SACS: variants seen among roughly 807,000 people sequenced by gnomAD.
SACS encodes the protein sacsin molecular chaperone.
Under a neutral mutation model 348.0 loss-of-function variants are expected in SACS, and 197 were observed. That is an observed-to-expected ratio of 0.57 (90% CI 0.50 to 0.64). The LOEUF (loss-of-function observed/expected upper bound fraction) is 0.64, where lower values mean the gene tolerates loss of function less well. SACS is among the 30% of genes least tolerant of loss of function. SACS has a pLI of 0.00. For missense variants in SACS, 4,999 were observed against 5,360.8 expected (o/e 0.93, Z 2.11); for synonymous variants, 1,985 against 1,910.6 (o/e 1.04, Z -1.02).
chr13:23,398,862 C>A (rs1048120768), intron 2 of SACS, among the ~76,000 whole-genome samples: 7 of 151,288 alleles, frequency 4.6e-5, no homozygotes, highest in Admixed American at 4.6e-4. Flanking sequence ...GGTGAAACCC[C>A]ATCTCTACTA....
At chr13:23,365,308 TTAA>T in intron 5 of SACS, 31 bp from the exon 6 acceptor site, 5 of 1,218,194 alleles carry the variant, frequency 4.1e-6, no homozygotes, top group Non-Finnish European at 4.7e-6. Context: ...AAAATAGTAA[TTAA>T]TAACACAGTA....
rs777875035 is a variant in SACS, at chr13:23,335,914, A to C, written c.7962T>G (p.Tyr2654Ter). The change falls in exon 10 of 10, where the codon TAT (tyrosine) becomes TAG (stop). Residue 2654 changes from tyrosine to a stop codon, truncating the protein, a stop_gained. Transcript: ENST00000382292. LOFTEE classifies it high-confidence loss of function. This position sits in a 1 kb window ranked among gnomAD's most constrained non-coding sequence, Gnocchi z 4.7. Reference protein sequence around the residue: ...ILCIFDPHARYAPGATSISPG... With the variant: ...ILCIFDPHAR ...GACTAATGGATGTGGCCCCTGGTGCATATCTGGCATGAGGATCAAAAATAC... is the reference window on the plus strand; with the variant it reads ...GACTAATGGATGTGGCCCCTGGTGCCTATCTGGCATGAGGATCAAAAATAC... 4.3e-6 allele frequency: 7 copies of C among 1,613,122 alleles called. No homozygotes were observed. Among genetic ancestry groups the C allele is most frequent in the Non-Finnish European group, 5.9e-6 (7 of 1,179,164 alleles).
intron 2 of SACS, chr13:23,375,655 G>A (rs1325250820): frequency 1.9e-5 from 12 of 628,658 alleles, no homozygotes; most frequent in African/African-American, 7.7e-5. Context: ...CGCCCCTCCC[G>A]CCAGGCCCCG....
At chr13:23,369,172 G>C (rs961342355) in intron 4 of SACS, among the ~76,000 whole-genome samples, 5 of 152,176 alleles carry the variant, frequency 3.3e-5, no homozygotes, top group African/African-American at 1.2e-4. Context: ...TAACAAGCCA[G>C]AGACAGAGGT....
intron 6 of SACS, among the ~76,000 whole-genome samples, chr13:23,360,590 A>T (rs185989034): frequency 1.3e-5 from 2 of 152,252 alleles, no homozygotes; most frequent in African/African-American, 4.8e-5. Flanking sequence ...CTTCCTTCCC[A>T]CTGTCAACTG....
chr13:23,402,916 G>A (rs1243303827), intron 2 of SACS, among the ~76,000 whole-genome samples: 2 of 152,062 alleles, frequency 1.3e-5, no homozygotes, highest in Middle Eastern at 3.2e-3. Context: ...GGTGGCTCAC[G>A]CCTATAATCC....
At position 23,334,058 on chromosome 13, in the gene SACS, TCAA is replaced by T; in HGVS notation, c.9815_9817del (p.Val3272del). The T allele has an allele frequency of 6.2e-7, 1 of 1,613,854 alleles. No individual in the cohort carries two copies. Among genetic ancestry groups the T allele is most frequent in the Non-Finnish European group, 8.5e-7 (1 of 1,179,820 alleles). The stretch of plus-strand genomic sequence containing the variant: ...AAGCAATGCCCAGTCTTTTAGAGTA[TCAA>T]CAACAATGTCAAATGTTGGTTTTGT... On this transcript the variant is annotated inframe_deletion, in exon 10 of 10. Coordinates refer to ENST00000382292, the MANE Select transcript of SACS (RefSeq NM_014363.6).
chr13:23,373,474 G>T, intron 3 of SACS: 1 of 154,788 alleles, frequency 6.5e-6, no homozygotes, highest in Non-Finnish European at 1.4e-5. Context: ...TAAGATCAAT[G>T]CCCTCATTAA....
At chr13:23,419,914 T>A (rs1048259341) in intron 1 of SACS, among the ~76,000 whole-genome samples, 3 of 152,210 alleles carry the variant, frequency 2.0e-5, no homozygotes, top group Non-Finnish European at 4.4e-5. Context: ...AGTATCCACC[T>A]GGAGACTGGG....
chr13:23,350,448 G>A (rs570514737), intron 9 of SACS, among the ~76,000 whole-genome samples: 4 of 152,286 alleles, frequency 2.6e-5, no homozygotes, highest in African/African-American at 9.6e-5. Context: ...AATACAAGCA[G>A]TAGCTCAATA....
chr13:23,332,317 A>G lies in SACS; in HGVS notation c.11559T>C (p.Tyr3853=), dbSNP rs2137565554. 2 of 1,613,976 alleles carry G rather than the reference A, an allele frequency of 1.2e-6. No homozygotes were observed. The highest frequency in any genetic ancestry group is 1.7e-6 in the Non-Finnish European group (2 of 1,179,888). The change falls in exon 10 of 10, where the codon TAT becomes TAC. Residue 3853 remains tyrosine (Y), a synonymous_variant. Coordinates refer to ENST00000382292, the MANE Select transcript of SACS (RefSeq NM_014363.6). ...GTEDIISTKQ[Y]VEVLSRIFKN... is the part of the protein sequence containing the mutation. ...TAAATATGCGGCTCAACACTTCAAC[A>G]TATTGCTTAGTTGAAATAATATCTT... is the stretch of plus-strand genomic sequence containing the variant.
Position 23,337,598 on chromosome 13 carries a change from C to G in SACS, c.6278G>C (p.Arg2093Pro). The G allele has an allele frequency of 6.2e-7, 1 of 1,613,778 alleles. No individual in the cohort carries two copies. Among genetic ancestry groups the G allele is most frequent in the Non-Finnish European group, 8.5e-7 (1 of 1,179,920 alleles). Residue 2093 changes from arginine to proline, a missense_variant, in exon 10 of 10, where the codon CGT (arginine) becomes CCT (proline). Physicochemically the swap from Arg to Pro is moderately radical, Grantham distance 103. Around this residue, in one of 6 missense-constraint regions of SACS, gnomAD observed 3,156 missense variants for 3,380.1 expected, o/e 0.93. Coordinates refer to ENST00000382292, the MANE Select transcript of SACS (RefSeq NM_014363.6). ...GGAACAAGGAATACATGGAGTAACA[C>G]GAAGAACTCCCGAGAACTCATCAAC... ...EKVDEFSGVL[R>P]VTPCIPCSLE...
At chr13:23,424,490 C>T (rs1874084651) in intron 1 of SACS, among the ~76,000 whole-genome samples, 1 of 151,760 alleles carries the variant, frequency 6.6e-6, no homozygotes, top group Non-Finnish European at 1.5e-5. Context: ...ACGCCACTGC[C>T]CTCCAGCCTG....
intron 6 of SACS, among the ~76,000 whole-genome samples, chr13:23,362,468 G>A (rs1205524915): frequency 6.6e-6 from 1 of 151,982 alleles, no homozygotes; most frequent in Non-Finnish European, 1.5e-5. Flanking sequence ...GCTCACATCT[G>A]AATGCAAGAG....
intron 2 of SACS, among the ~76,000 whole-genome samples, chr13:23,410,123 A>C (rs182529426): frequency 6.6e-6 from 1 of 152,354 alleles, no homozygotes; most frequent in East Asian, 1.9e-4. Context: ...GTTTAAAAAA[A>C]TGTACAGAAA....
At chr13:23,371,218 T>C (rs1409658781) in intron 3 of SACS, 53 bp from the exon 4 acceptor site, 15 of 1,090,620 alleles carry the variant, frequency 1.4e-5, no homozygotes, top group Non-Finnish European at 1.8e-5. Context: ...TCTAATACTG[T>C]AAATTCAAGA....
chr13:23,407,497 C>G (rs904026844), intron 2 of SACS, among the ~76,000 whole-genome samples: 3 of 152,214 alleles, frequency 2.0e-5, no homozygotes, highest in African/African-American at 4.8e-5. Context: ...CCACGCCCGG[C>G]CTGTTTTTCT....
chr13:23,337,333 T>G lies in SACS; in HGVS notation c.6543A>C (p.Ala2181=). The change falls in exon 10 of 10, where the codon GCA becomes GCC. Residue 2181 remains alanine, a synonymous_variant. Coordinates refer to ENST00000382292, the MANE Select transcript of SACS (RefSeq NM_014363.6). ...AEINKSDHVA[A]CLRSSILLSL... ...TCAATAAGATACTACTTCTTAGGCA[T>G]GCAGCAACATGATCACTTTTATTAA... 1 of 1,614,004 alleles carries G rather than the reference T, an allele frequency of 6.2e-7. No individual in the cohort carries two copies. Among genetic ancestry groups the G allele is most frequent in the Non-Finnish European group, 8.5e-7 (1 of 1,179,934 alleles).
rs748525192 is a variant in SACS, at chr13:23,337,711, C to T, written c.6165G>A (p.Gln2055=). 3 of 1,613,020 alleles carry T rather than the reference C, an allele frequency of 1.9e-6. No individual in the cohort carries two copies. Among genetic ancestry groups the T allele is most frequent in the Non-Finnish European group, 2.5e-6 (3 of 1,179,764 alleles). ...ILLENTFSEK[Q]FFSEVFFPNI... Reference sequence around the variant, plus strand: ...TTGGAAAAAACACTTCAGAAAAAAACTGTTTCTCTGAAAATGTGTTTTCAA... The same window carrying T: ...TTGGAAAAAACACTTCAGAAAAAAATTGTTTCTCTGAAAATGTGTTTTCAA... The change falls in exon 10 of 10, where the codon CAG becomes CAA. Residue 2055 remains glutamine, a synonymous_variant. Coordinates refer to ENST00000382292, the MANE Select transcript of SACS (RefSeq NM_014363.6).
Sources: gnomAD v4.1 joint callset for allele counts (sites outside exome capture counted in the v4.1 genomes callset) on GRCh38, gnomAD v4.1.1 for gene constraint, gnomAD v4.1.1 regional missense constraint, Gnocchi (gnomAD v3.1) non-coding constraint, MANE v1.5 for transcripts, NCBI Gene and HGNC (gene_info 2026-07-23, HGNC 2026-07-21) for gene names.